ANKUB1: variants seen among roughly 807,000 people sequenced by gnomAD.
ANKUB1 encodes the protein ankyrin repeat and ubiquitin domain containing 1, also known as protein ANKUB1.
Under a neutral mutation model 49.3 loss-of-function variants are expected in ANKUB1, and 42 were observed. That is an observed-to-expected ratio of 0.85 (90% CI 0.67 to 1.10). The LOEUF (loss-of-function observed/expected upper bound fraction) is 1.10, where lower values mean the gene tolerates loss of function less well. Ranked by LOEUF, ANKUB1 falls within the 50% of genes least tolerant of loss-of-function variation. The pLI is 0.00. For missense variants in ANKUB1, 613 were observed against 642.0 expected, an observed-to-expected ratio of 0.95 and a Z score of 0.49; for synonymous variants, 222 against 231.0, an observed-to-expected ratio of 0.96 and a Z score of 0.35.
chr3:149,785,743 CA>C (rs1179997007), intron 2 of ANKUB1, among the ~76,000 whole-genome samples: 1 of 152,080 alleles, frequency 6.6e-6, no homozygotes, highest in Non-Finnish European at 1.5e-5. Context: ...GTCTTTATAG[CA>C]GCATGATTGA....
rs368188096 is a variant in ANKUB1 at position 149,792,473 on chromosome 3, G to A, written c.-107C>T. 22 of 864,306 alleles carry A rather than the reference G, an allele frequency of 2.5e-5. No individual in the cohort carries two copies. The highest frequency in any genetic ancestry group is 1.9e-4 in the African/African-American group (11 of 57,448). The allele number at this position is 864,306 out of a possible 1,614,324, so 53.5% of individuals were successfully genotyped here. A position where few individuals can be genotyped will look rare whatever the true frequency, so the allele number is the denominator to read the frequency against. Reference sequence around the variant, plus strand: ...TTAAGGACAAAAATGATAGCCAGAGGCAGCTGTCACTGTCTAGCCTCAAAG... The same window carrying A: ...TTAAGGACAAAAATGATAGCCAGAGACAGCTGTCACTGTCTAGCCTCAAAG... On this transcript the variant is annotated 5_prime_UTR_variant, in exon 1 of 6. Coordinates refer to ENST00000446160, the MANE Select transcript of ANKUB1 (RefSeq NM_001144960.3).
At chr3:149,783,544 G>C (rs1717959357) in intron 2 of ANKUB1, 1 of 152,138 alleles carries the variant, frequency 6.6e-6, no homozygotes, top group Non-Finnish European at 1.5e-5. Flanking sequence ...ATTCATACAT[G>C]TACTTTAACA....
Position 149,792,280 on chromosome 3 carries a change from T to C in ANKUB1, c.87A>G (p.Ile29Met). Residue 29 changes from isoleucine to methionine, a missense_variant, in exon 1 of 6, where the codon ATA becomes ATG. Transcript: ENST00000446160. Reference sequence around the variant, plus strand: ...GGTTTGGGAACGAAGTACATACCTTTATCATCAGCTTGACAACCTCCACAG... The same window carrying C: ...GGTTTGGGAACGAAGTACATACCTTCATCATCAGCTTGACAACCTCCACAG... ...DETVEVVKLM[I>M]KDYFHIPLSE... 1 of 1,521,876 alleles carries C rather than the reference T, an allele frequency of 6.6e-7. No homozygotes were observed. The highest frequency in any genetic ancestry group is 8.8e-7 in the Non-Finnish European group (1 of 1,132,084). 94.3% of individuals were successfully genotyped at this position (1,521,876 alleles called of 1,614,324 possible). A position where few individuals can be genotyped will look rare whatever the true frequency, so the allele number is the denominator to read the frequency against.
chr3:149,780,243 A>G lies in ANKUB1; in HGVS notation c.447T>C (p.Asp149=), dbSNP rs755071802. 15 of 1,551,506 alleles carry G rather than the reference A, an allele frequency of 9.7e-6. No homozygotes were observed. The highest frequency in any genetic ancestry group is 1.7e-4 in the Middle Eastern group (1 of 6,012). The change falls in exon 3 of 6, where the codon GAT becomes GAC. Residue 149 remains aspartate, a synonymous_variant. Transcript: ENST00000446160. ...DCNTLKDYQT[D]IGTTLRLDVW... The stretch of plus-strand genomic sequence containing the variant: ...ATCAAATATACTGGGCAGTACCAAT[A>G]TCAGTCTGGTAGTCCTTGAGGGTGT...
intron 1 of ANKUB1, 107 bp downstream of exon 1, chr3:149,792,170 T>C: frequency 1.5e-6 from 1 of 666,262 alleles, no homozygotes; most frequent in South Asian, 6.2e-5. Context: ...TCGTTCCCTG[T>C]TTGCTGAAAA....
At chr3:149,782,665 G>A (rs1207347726) in intron 2 of ANKUB1, among the ~76,000 whole-genome samples, 3 of 151,976 alleles carry the variant, frequency 2.0e-5, no homozygotes, top group African/African-American at 7.2e-5. Flanking sequence ...TCCCACCTCA[G>A]CCTCCCAAGT....
chr3:149,764,568 TTCCCTCCCTCCCTCCC>T (rs765115560), intron 5 of ANKUB1, among the ~76,000 whole-genome samples: 1 of 139,754 alleles, frequency 7.2e-6, no homozygotes, highest in African/African-American at 2.8e-5. Flanking sequence ...CCTTCCTTCC[TTCCCTCCCTCCCTCCC>T]TCCCTCCCTT....
At chr3:149,782,049 A>G (rs1717893226) in intron 2 of ANKUB1, among the ~76,000 whole-genome samples, 1 of 152,228 alleles carries the variant, frequency 6.6e-6, no homozygotes, top group African/African-American at 2.4e-5. Context: ...ATTTACGGGC[A>G]GGCAGAAATT....
At chr3:149,787,846 C>A (rs1346849845) in intron 2 of ANKUB1, among the ~76,000 whole-genome samples, 1 of 152,106 alleles carries the variant, frequency 6.6e-6, no homozygotes, top group African/African-American at 2.4e-5. Context: ...AATATGAGCA[C>A]AATAAAGAAG....
At chr3:149,770,432 T>A (rs533687850) in intron 4 of ANKUB1, 128 bp downstream of exon 4, 4 of 673,326 alleles carry the variant, frequency 5.9e-6, no homozygotes, top group Admixed American at 2.9e-5. Context: ...GGTTGAGACA[T>A]ACTAAGTGGA....
chr3:149,782,640 A>G (rs1717919699), intron 2 of ANKUB1, among the ~76,000 whole-genome samples: 2 of 152,098 alleles, frequency 1.3e-5, no homozygotes, highest in Admixed American at 1.3e-4. Context: ...TCAAACTCCT[A>G]GACTCAAGCA....
chr3:149,788,424 A>G (rs1483136600), intron 2 of ANKUB1, among the ~76,000 whole-genome samples: 2 of 151,114 alleles, frequency 1.3e-5, no homozygotes, highest in African/African-American at 2.4e-5. Flanking sequence ...ACTCTCTTGC[A>G]CAGGCTGGGT....
chr3:149,790,691 T>C (rs1718320274), intron 2 of ANKUB1, 90 bp downstream of exon 2: 1 of 1,295,404 alleles, frequency 7.7e-7, no homozygotes, highest in South Asian at 1.5e-5. Flanking sequence ...AATTTCTTTT[T>C]AAGTTATGGA....
At chr3:149,766,590 A>G (rs1317496529) in intron 5 of ANKUB1, 1 of 413,550 alleles carries the variant, frequency 2.4e-6, no homozygotes, top group Non-Finnish European at 4.6e-6. Context: ...GCTTGAGCCC[A>G]GGAGTTTGAG....
At chr3:149,770,124 G>A (rs1717264222) in intron 4 of ANKUB1, among the ~76,000 whole-genome samples, 1 of 151,994 alleles carries the variant, frequency 6.6e-6, no homozygotes, top group African/African-American at 2.4e-5. Context: ...TTTCTTTTCT[G>A]TAGCTTACTT....
At chr3:149,775,898 T>C (rs1313857793) in intron 3 of ANKUB1, among the ~76,000 whole-genome samples, 1 of 151,800 alleles carries the variant, frequency 6.6e-6, no homozygotes, top group East Asian at 1.9e-4. Context: ...ACTAGGTGTG[T>C]GTGTGCGTGT....
chr3:149,782,752 C>T (rs1421488787), intron 2 of ANKUB1, among the ~76,000 whole-genome samples: 3 of 152,064 alleles, frequency 2.0e-5, no homozygotes, highest in East Asian at 3.9e-4. Flanking sequence ...GTTGTCCAGG[C>T]TGGTCTGGAC....
chr3:149,768,641 A>G (rs1185793966), intron 4 of ANKUB1, among the ~76,000 whole-genome samples: 1 of 152,084 alleles, frequency 6.6e-6, no homozygotes, highest in Non-Finnish European at 1.5e-5. Context: ...TCCCGAGTTG[A>G]AGCAATTATC....
At chr3:149,788,835 G>A (rs531347977) in intron 2 of ANKUB1, among the ~76,000 whole-genome samples, 1 of 152,078 alleles carries the variant, frequency 6.6e-6, no homozygotes, top group Non-Finnish European at 1.5e-5. Flanking sequence ...GGAGTACAGT[G>A]GGGTGATCTC....
Sources: gnomAD v4.1 joint callset for allele counts (sites outside exome capture counted in the v4.1 genomes callset) on GRCh38, gnomAD v4.1.1 for gene constraint, MANE v1.5 for transcripts, NCBI Gene and HGNC (gene_info 2026-07-23, HGNC 2026-07-21) for gene names.